The following DNAH14 variants were observed in gnomAD, a reference collection of about 807,000 sequenced individuals.
DNAH14 encodes dynein axonemal heavy chain 14.
DNAH14 carries 478 observed loss-of-function variants against 520.9 expected under a neutral mutation model. The observed-to-expected ratio is 0.92, with a 90% CI of 0.85 to 0.99. The LOEUF is 0.99. Among genes scored for constraint, DNAH14 ranks in the 50% least tolerant of loss-of-function variants. The pLI, the probability that DNAH14 is intolerant of heterozygous loss-of-function variation, is 0.00. For missense variants in DNAH14, 4,831 were observed against 5,234.5 expected, an observed-to-expected ratio of 0.92 and a Z score of 2.38; for synonymous variants, 1,581 against 1,757.2, an observed-to-expected ratio of 0.90 and a Z score of 2.51.
intron 36 of DNAH14, among the ~76,000 whole-genome samples, chr1:225,181,594 CAT>C (rs1416638813): frequency 6.6e-6 from 1 of 152,044 alleles, no homozygotes; most frequent in African/African-American, 2.4e-5. Context: ...AGCATTTTTT[CAT>C]ATGTTTATTG....
intron 69 of DNAH14, among the ~76,000 whole-genome samples, chr1:225,343,037 C>T (rs1337969302): frequency 6.6e-6 from 1 of 152,196 alleles, no homozygotes; most frequent in Non-Finnish European, 1.5e-5. Flanking sequence ...TGTATCAGTG[C>T]AGTGATGAAT....
chr1:225,272,151 T>C, intron 51 of DNAH14, 78 bp downstream of exon 51: 1 of 1,345,828 alleles, frequency 7.4e-7, no homozygotes, highest in South Asian at 1.4e-5. Context: ...ATTAGATTGT[T>C]AGAAGGGGAA....
intron 41 of DNAH14, among the ~76,000 whole-genome samples, chr1:225,214,236 C>G (rs2088921017): frequency 1.3e-5 from 2 of 152,166 alleles, no homozygotes; most frequent in African/African-American, 4.8e-5. Context: ...GTTGAACCAG[C>G]CTTGCATCCC....
chr1:225,075,250 T>C (rs577963980), intron 17 of DNAH14, among the ~76,000 whole-genome samples: 1 of 152,314 alleles, frequency 6.6e-6, no homozygotes, highest in East Asian at 1.9e-4. Context: ...CACTTGGCTC[T>C]GTGTCACTCC....
chr1:225,367,816 A>T lies in DNAH14; in HGVS notation c.12102A>T (p.Glu4034Asp), dbSNP rs1006460782. Residue 4034 changes from glutamate (E) to aspartate (D), a missense_variant, in exon 77 of 86, where the codon GAA becomes GAT. Transcript: ENST00000682510. Reference sequence around the variant, plus strand: ...CATCTGTTTTCAAGATTGCCGTGGAATCTCCCCAGGGATTGAAAAGTAACT... The same window carrying T: ...CATCTGTTTTCAAGATTGCCGTGGATTCTCCCCAGGGATTGAAAAGTAACT... ...VLKKGLKIAV[E>D]SPQGLKSNLL... The T allele has an allele frequency of 9.7e-6, 15 of 1,550,888 alleles. No individual in the cohort carries two copies. The highest frequency in any genetic ancestry group is 2.7e-5 in the African/African-American group (2 of 73,032).
intron 54 of DNAH14, among the ~76,000 whole-genome samples, chr1:225,285,119 T>A (rs1450756330): frequency 6.6e-6 from 1 of 152,202 alleles, no homozygotes; most frequent in Non-Finnish European, 1.5e-5. Context: ...ATACTAGAAG[T>A]TCTAGCCAGT....
intron 65 of DNAH14, among the ~76,000 whole-genome samples, chr1:225,332,590 A>G (rs2094822352): frequency 6.6e-6 from 1 of 152,136 alleles, no homozygotes; most frequent in African/African-American, 2.4e-5. Flanking sequence ...TTCAAAGTAA[A>G]ATGTCTGGCA....
At chr1:225,042,381 A>T (rs1407350461) in intron 12 of DNAH14, among the ~76,000 whole-genome samples, 1 of 152,196 alleles carries the variant, frequency 6.6e-6, no homozygotes, top group Non-Finnish European at 1.5e-5. Flanking sequence ...TAGTATATGT[A>T]TATTAAAGTG....
chr1:225,186,621 A>G (rs1041666568), intron 37 of DNAH14, among the ~76,000 whole-genome samples: 2 of 151,844 alleles, frequency 1.3e-5, no homozygotes, highest in Non-Finnish European at 3.0e-5. Context: ...GTATTACTGT[A>G]TTAGCTTTGA....
intron 1 of DNAH14, among the ~76,000 whole-genome samples, chr1:224,949,951 T>C (rs2060069665): frequency 6.6e-6 from 1 of 152,178 alleles, no homozygotes; most frequent in East Asian, 1.9e-4. Flanking sequence ...AATTTTATAC[T>C]TTTTAATAAT....
intron 37 of DNAH14, among the ~76,000 whole-genome samples, chr1:225,191,648 C>T (rs2085455913): frequency 6.6e-6 from 1 of 151,642 alleles, no homozygotes; most frequent in Non-Finnish European, 1.5e-5. Flanking sequence ...TCTACTTTTT[C>T]TCTCTTTTCT....
intron 52 of DNAH14, among the ~76,000 whole-genome samples, chr1:225,273,425 C>T (rs939601095): frequency 9.9e-5 from 15 of 152,202 alleles, no homozygotes; most frequent in Admixed American, 3.3e-4. Context: ...GGCGACAGAG[C>T]GAGACTCCGT....
intron 19 of DNAH14, among the ~76,000 whole-genome samples, chr1:225,081,960 TATTTACCAAA>T (rs1465967373): frequency 1.3e-5 from 2 of 152,088 alleles, no homozygotes; most frequent in Non-Finnish European, 2.9e-5. Flanking sequence ...TGTTCTTCCA[TATTTACCAAA>T]ATTTAAAAAA....
rs1427152958 is a variant in DNAH14 at position 225,398,547 on chromosome 1, T to C, written c.13519T>C (p.Tyr4507His). ...KGSASSHTGV[Y>H]IFGLFIEGAR... ...CTCAGCTTCCTCTCACACTGGAGTT[T>C]ACATTTTTGGTTTATTCATCGAGGG... is the stretch of plus-strand genomic sequence containing the variant. Residue 4507 changes from tyrosine (Y) to histidine (H), a missense_variant, in exon 85 of 86, where the codon TAC becomes CAC. Physicochemically the swap from Tyr to His is moderately conservative, Grantham distance 83. Transcript: ENST00000682510. The C allele has an allele frequency of 6.4e-7, 1 of 1,551,746 alleles. No homozygotes were observed. The highest frequency in any genetic ancestry group is 1.2e-5 in the South Asian group (1 of 84,058).
At chr1:225,201,965 T>TCC (rs1158781259) in intron 38 of DNAH14, among the ~76,000 whole-genome samples, 1 of 146,508 alleles carries the variant, frequency 6.8e-6, no homozygotes, top group African/African-American at 2.5e-5. Flanking sequence ...AACCTCTGCC[T>TCC]CCCAGGTTCA....
chr1:225,367,727 T>C lies in DNAH14; in HGVS notation c.12091-78T>C, dbSNP rs573695310. On this transcript the variant is annotated intron_variant, in intron 76 of 85. Transcript: ENST00000682510. Reference sequence around the variant, plus strand: ...TTCTTGCCCAGTTCTTTTACCAGTGTTGTAGAAAGACAAGTGCCCTGAAGA... The same window carrying C: ...TTCTTGCCCAGTTCTTTTACCAGTGCTGTAGAAAGACAAGTGCCCTGAAGA... 5 of 963,244 alleles carry C rather than the reference T, an allele frequency of 5.2e-6. No individual in the cohort carries two copies. The East Asian group carries it at 1.3e-4, about 25-fold the overall frequency. The allele number at this position is 963,244 out of a possible 1,614,324, so 59.7% of individuals were successfully genotyped here. A position where few individuals can be genotyped will look rare whatever the true frequency, so the allele number is the denominator to read the frequency against.
chr1:225,002,505 T>C (rs550698928), intron 8 of DNAH14, among the ~76,000 whole-genome samples: 1 of 152,240 alleles, frequency 6.6e-6, no homozygotes, highest in African/African-American at 2.4e-5. Flanking sequence ...CTTCCTCATA[T>C]TTCAAAATTA....
Position 225,104,256 on chromosome 1 carries a change from G to A in DNAH14, c.3867+3372G>A, listed in dbSNP as rs1398756512. On this transcript the variant is annotated intron_variant, in intron 23 of 85. Transcript: ENST00000682510. ...AAGCCCACTTGATCATGGTGGAGAA[G>A]CTTTTTGATGTGCTGCTGGATTCGG... Among the ~76,000 whole-genome samples, 3 of 152,300 alleles carry A rather than the reference G, an allele frequency of 2.0e-5. No individual in the cohort carries two copies. The East Asian group carries it at 5.8e-4, about 29-fold the overall frequency.
rs1012843063 is a variant in DNAH14, at chr1:225,374,821, C to A, written c.12452C>A (p.Thr4151Asn). Reference sequence around the variant, plus strand: ...AATTGGGACAAGCGATGCTTGAAGACCCTACTCTACAAATTTTGTAATCCT... The same window carrying A: ...AATTGGGACAAGCGATGCTTGAAGAACCTACTCTACAAATTTTGTAATCCT... ...IDNWDKRCLK[T>N]LLYKFCNPEV... Residue 4151 changes from threonine (T) to asparagine (N), a missense_variant, in exon 78 of 86, where the codon ACC becomes AAC. By Grantham distance (65) the Thr-to-Asn change is moderately conservative. Coordinates refer to ENST00000682510, the MANE Select transcript of DNAH14 (RefSeq NM_001367479.1). The A allele has an allele frequency of 3.2e-6, 5 of 1,551,354 alleles. No individual in the cohort carries two copies. Among genetic ancestry groups the A allele is most frequent in the African/African-American group, 1.4e-5 (1 of 73,020 alleles).
Sources: allele counts gnomAD v4.1 joint callset (sites outside exome capture counted in the v4.1 genomes callset), GRCh38; gene constraint gnomAD v4.1.1; transcripts MANE v1.5; gene names NCBI Gene and HGNC (gene_info 2026-07-23, HGNC 2026-07-21).